The following GPATCH1 variants were observed in gnomAD, a reference collection of about 807,000 sequenced individuals.
GPATCH1 encodes the protein G patch domain-containing protein 1.
A neutral mutation model predicts 114.9 loss-of-function variants in GPATCH1; 73 were observed. The observed-to-expected ratio is 0.64, with a 90% CI of 0.53 to 0.77. The LOEUF (loss-of-function observed/expected upper bound fraction) is 0.77. GPATCH1 is among the 30% of genes least tolerant of loss of function. GPATCH1 has a pLI of 0.00. For synonymous variants in GPATCH1, 391 were observed against 428.4 expected (o/e 0.91, Z 1.08); for missense variants, 1,058 against 1,144.3 (o/e 0.92, Z 1.09).
At chr19:33,100,210 G>A (rs1029818267) in intron 8 of GPATCH1, 1 of 151,728 alleles carries the variant, frequency 6.6e-6, no homozygotes, top group Non-Finnish European at 1.5e-5. Flanking sequence ...GAAATTTCTG[G>A]GTTTTGAGAT....
chr19:33,114,892 T>TC (rs1243191622), intron 15 of GPATCH1, among the ~76,000 whole-genome samples: 2 of 136,478 alleles, frequency 1.5e-5, no homozygotes, highest in African/African-American at 2.7e-5. Flanking sequence ...AAGCTCTGCC[T>TC]CCCCTCCCGG....
intron 8 of GPATCH1, among the ~76,000 whole-genome samples, chr19:33,099,885 C>T (rs1972706091): frequency 7.9e-5 from 12 of 151,724 alleles, no homozygotes; most frequent in African/African-American, 2.4e-5. Flanking sequence ...ATTCTCCTGC[C>T]TCAGCCTCCC....
intron 18 of GPATCH1, among the ~76,000 whole-genome samples, 178 bp from the exon 19 acceptor site, chr19:33,126,410 G>A (rs1481486902): frequency 6.6e-6 from 1 of 152,188 alleles, no homozygotes; most frequent in African/African-American, 2.4e-5. Context: ...GCAGTTGAGA[G>A]TGGCACAGCC....
intron 19 of GPATCH1, among the ~76,000 whole-genome samples, chr19:33,128,233 G>T (rs1269112248): frequency 1.3e-5 from 2 of 151,398 alleles, no homozygotes; most frequent in African/African-American, 4.9e-5. Flanking sequence ...GACTGTAAGT[G>T]TGCACCACCA....
chr19:33,101,421 G>A (rs577642507), intron 8 of GPATCH1, 74 bp from the exon 9 acceptor site: 10 of 829,392 alleles, frequency 1.2e-5, no homozygotes, highest in East Asian at 2.4e-5. Context: ...AGATAAGAAC[G>A]TAAAATGCTG....
chr19:33,099,548 C>A (rs1811722747), intron 8 of GPATCH1, among the ~76,000 whole-genome samples: 1 of 151,622 alleles, frequency 6.6e-6, no homozygotes, highest in Admixed American at 6.6e-5. Flanking sequence ...ATTTTCTATT[C>A]GGTGAATCTA....
chr19:33,113,938 A>G lies in GPATCH1; in HGVS notation c.2029+35A>G, dbSNP rs758397274. 2.5e-6 allele frequency: 4 copies of G among 1,603,236 alleles called. No homozygotes were observed. In the East Asian group the frequency reaches 6.7e-5, roughly 27 times the overall value. On this transcript the variant is annotated intron_variant, in intron 14 of 19. Transcript: ENST00000170564. ...GCGTCCCCGGGGTCTCTGATTGACC[A>G]GGGCCTCAACCCCTAGCCTGTAGGA...
intron 15 of GPATCH1, among the ~76,000 whole-genome samples, chr19:33,117,151 G>A (rs572452778): frequency 5.3e-5 from 8 of 152,158 alleles, no homozygotes; most frequent in South Asian, 2.1e-4. Flanking sequence ...TGCTATGATC[G>A]CACCATTGCT....
chr19:33,081,209 A>C lies in GPATCH1; in HGVS notation c.16A>C (p.Ser6Arg), dbSNP rs1184015444. 5 of 1,551,542 alleles carry C rather than the reference A, an allele frequency of 3.2e-6. No homozygotes were observed. In the South Asian group the frequency reaches 3.6e-5, roughly 11 times the overall value. ...GAAGAGCAGGATGGCGGCGCGGGAC[A>C]GTGACAGCGAAGAAGATCTGGTCAG... Reference protein sequence around the residue: MAARDSDSEEDLVSYG... With the variant: MAARDRDSEEDLVSYG... Residue 6 changes from serine to arginine, a missense_variant, in exon 1 of 20, where the codon AGT becomes CGT. Around this residue, in one of 3 missense-constraint regions of GPATCH1, gnomAD observed 131 missense variants for 107.2 expected, o/e 1.22. Transcript: ENST00000170564.
At chr19:33,115,681 A>G (rs541609383) in intron 15 of GPATCH1, among the ~76,000 whole-genome samples, 32 of 151,536 alleles carry the variant, frequency 2.1e-4, no homozygotes, top group South Asian at 2.1e-4. Flanking sequence ...TTTAGTAGAG[A>G]CGGGGTTTCT....
chr19:33,102,104 T>G (rs1972733678), intron 9 of GPATCH1, among the ~76,000 whole-genome samples: 1 of 151,118 alleles, frequency 6.6e-6, no homozygotes, highest in South Asian at 2.1e-4. Context: ...GAGGCCAAGG[T>G]TGGCAGATCA....
intron 9 of GPATCH1, among the ~76,000 whole-genome samples, chr19:33,105,712 C>T (rs1041656465): frequency 8.6e-5 from 13 of 151,490 alleles, no homozygotes; most frequent in Non-Finnish European, 1.5e-4. Flanking sequence ...TTAGTAGAGA[C>T]GGGGTTTCAC....
chr19:33,111,111 C>T (rs1599861479), intron 11 of GPATCH1, among the ~76,000 whole-genome samples: 2 of 151,442 alleles, frequency 1.3e-5, no homozygotes, highest in Admixed American at 1.3e-4. Context: ...CAGCTCACTG[C>T]AACCTCCACC....
At chr19:33,111,244 C>A (rs942382632) in intron 11 of GPATCH1, among the ~76,000 whole-genome samples, 2 of 151,632 alleles carry the variant, frequency 1.3e-5, no homozygotes, top group African/African-American at 4.8e-5. Flanking sequence ...ATTAGCCGGG[C>A]ATGGTGGCGG....
At chr19:33,126,456 C>T (rs1243449741) in intron 18 of GPATCH1, 132 bp from the exon 19 acceptor site, 12 of 1,340,590 alleles carry the variant, frequency 9.0e-6, no homozygotes, top group Non-Finnish European at 1.2e-5. Flanking sequence ...CTCTCACTCT[C>T]ACTCACTCTA....
chr19:33,124,666 T>C (rs964758276), intron 17 of GPATCH1, among the ~76,000 whole-genome samples: 6 of 152,204 alleles, frequency 3.9e-5, no homozygotes, highest in African/African-American at 1.4e-4. Flanking sequence ...GGATTCTTAT[T>C]GTCCCCATTT....
intron 4 of GPATCH1, 107 bp from the exon 5 acceptor site, chr19:33,094,065 C>A: frequency 1.5e-6 from 1 of 687,102 alleles, no homozygotes; most frequent in Non-Finnish European, 2.6e-6. Context: ...GGCAAGGGCC[C>A]AGGCAAGACA....
At chr19:33,092,799 C>A (rs1041606293) in intron 3 of GPATCH1, among the ~76,000 whole-genome samples, 14 of 152,124 alleles carry the variant, frequency 9.2e-5, no homozygotes, top group Non-Finnish European at 1.9e-4. Context: ...TTCCTGTCTT[C>A]CCAGCTTGGT....
At chr19:33,103,561 C>T (rs1972750401) in intron 9 of GPATCH1, among the ~76,000 whole-genome samples, 1 of 151,844 alleles carries the variant, frequency 6.6e-6, no homozygotes, top group African/African-American at 2.4e-5. Flanking sequence ...ATTAGCCAGG[C>T]ATGGTGGTAC....
Sources: gnomAD v4.1 joint callset for allele counts (sites outside exome capture counted in the v4.1 genomes callset) on GRCh38, gnomAD v4.1.1 for gene constraint, gnomAD v4.1.1 regional missense constraint, MANE v1.5 for transcripts, NCBI Gene and HGNC (gene_info 2026-07-23, HGNC 2026-07-21) for gene names.